Variants in NRXN3 observed in about 807,000 individuals in gnomAD.
NRXN3 encodes neurexin III.
A neutral mutation model predicts 137.6 loss-of-function variants in NRXN3; 32 were observed. That is an observed-to-expected ratio of 0.23 (90% CI 0.18 to 0.31). The LOEUF (loss-of-function observed/expected upper bound fraction) is 0.31. Ranked by LOEUF, NRXN3 falls within the 10% of genes least tolerant of loss-of-function variation. NRXN3 has a pLI of 1.00. For synonymous variants in NRXN3, 798 were observed against 784.5 expected (o/e 1.02, Z -0.29); for missense variants, 1,574 against 2,062.5 (o/e 0.76, Z 4.59).
At chr14:79,602,748 TC>T (rs1258901917) in intron 16 of NRXN3, among the ~76,000 whole-genome samples, 9 of 152,080 alleles carry the variant, frequency 5.9e-5, no homozygotes, top group East Asian at 1.9e-4. Context: ...TTTTTTTTTT[TC>T]CTATCGCTTT....
intron 15 of NRXN3, among the ~76,000 whole-genome samples, chr14:79,305,099 A>T (rs1197462108): frequency 3.3e-5 from 5 of 152,074 alleles, no homozygotes; most frequent in Middle Eastern, 3.4e-3. Flanking sequence ...TTCTTTTTCT[A>T]GTCTCTTTGT....
chr14:79,501,963 TG>T (rs2096830517), intron 16 of NRXN3, among the ~76,000 whole-genome samples: 1 of 152,202 alleles, frequency 6.6e-6, no homozygotes, highest in African/African-American at 2.4e-5. Context: ...TAAAAAAAGA[TG>T]TAGAGGCACA....
chr14:78,662,262 C>A (rs1386506791), intron 6 of NRXN3, among the ~76,000 whole-genome samples: 1 of 151,690 alleles, frequency 6.6e-6, no homozygotes, highest in East Asian at 1.9e-4. Context: ...AAAACTAAGG[C>A]ATTCAAGATC....
chr14:78,837,597 T>C (rs2099000691), intron 10 of NRXN3, among the ~76,000 whole-genome samples: 1 of 152,054 alleles, frequency 6.6e-6, no homozygotes, highest in African/African-American at 2.4e-5. Flanking sequence ...CTTTGAGAAA[T>C]ACTTGTTCTT....
intron 15 of NRXN3, among the ~76,000 whole-genome samples, chr14:79,289,388 G>C (rs1224311814): frequency 6.6e-6 from 1 of 152,154 alleles, no homozygotes; most frequent in East Asian, 1.9e-4. Context: ...GGGAGGCCAA[G>C]GTGGCTGGAT....
At chr14:78,993,389 T>C (rs559277687) in intron 15 of NRXN3, among the ~76,000 whole-genome samples, 30 of 152,314 alleles carry the variant, frequency 2.0e-4, no homozygotes, top group African/African-American at 7.2e-4. Flanking sequence ...GTTAAAAACC[T>C]ATGTTGTTAT....
At chr14:79,215,184 T>G (rs2068283402) in intron 15 of NRXN3, among the ~76,000 whole-genome samples, 1 of 152,168 alleles carries the variant, frequency 6.6e-6, no homozygotes, top group African/African-American at 2.4e-5. Context: ...TATTTTGTAG[T>G]TATTGTCACT....
chr14:78,773,203 C>T (rs893124345), intron 8 of NRXN3, among the ~76,000 whole-genome samples: 1 of 152,206 alleles, frequency 6.6e-6, no homozygotes. Flanking sequence ...TGTGTGATGA[C>T]TTATTGCTAT....
intron 4 of NRXN3, among the ~76,000 whole-genome samples, chr14:78,445,647 G>T (rs2094398223): frequency 6.6e-6 from 1 of 152,306 alleles, no homozygotes; most frequent in East Asian, 1.9e-4. Context: ...TCTTTGGGCA[G>T]CAAGTCCCTC....
At chr14:78,776,651 G>A (rs1053490077) in intron 8 of NRXN3, among the ~76,000 whole-genome samples, 2 of 152,108 alleles carry the variant, frequency 1.3e-5, no homozygotes, top group Admixed American at 1.3e-4. Context: ...CAGCAGAGGT[G>A]GTAAAAATGC....
chr14:78,740,540 T>C (rs2098561507), intron 8 of NRXN3, among the ~76,000 whole-genome samples: 1 of 105,594 alleles, frequency 9.5e-6, no homozygotes. Context: ...TTCTCTTTTC[T>C]TTTCTTTTTT....
chr14:79,406,768 T>G (rs2095322363), intron 15 of NRXN3, among the ~76,000 whole-genome samples: 1 of 152,072 alleles, frequency 6.6e-6, no homozygotes, highest in Admixed American at 6.6e-5. Flanking sequence ...TAATGCAAGG[T>G]TTTTCTGTAG....
intron 1 of NRXN3, among the ~76,000 whole-genome samples, chr14:78,203,387 A>T (rs966856633): frequency 6.6e-6 from 1 of 152,200 alleles, no homozygotes; most frequent in Non-Finnish European, 1.5e-5. Context: ...ATCAGTGACG[A>T]GTAGCCTGGG....
chr14:78,767,463 A>G (rs998017810), intron 8 of NRXN3, among the ~76,000 whole-genome samples: 2 of 152,234 alleles, frequency 1.3e-5, no homozygotes, highest in African/African-American at 4.8e-5. Context: ...AAGTGTGAAT[A>G]TCAAGAGGTG....
rs199829566 is a variant in NRXN3 at position 79,209,325 on chromosome 14, A to AG, written c.3262+221184_3262+221185insG. Among the ~76,000 whole-genome samples the AG allele has an allele frequency of 5.4e-3, 817 of 152,112 alleles. 4 individuals are homozygous for AG. Among genetic ancestry groups the AG allele is most frequent in the Non-Finnish European group, 8.7e-3 (590 of 67,972 alleles). ...TAGCAGTCTTTATTAAAAAAAAAAA[A>AG]CAGAGGTCCAATCACCTATTTCCTT... is the stretch of plus-strand genomic sequence containing the variant. On this transcript the variant is annotated intron_variant, in intron 15 of 20. Transcript: ENST00000335750.
intron 10 of NRXN3, among the ~76,000 whole-genome samples, chr14:78,882,032 T>C (rs540427165): frequency 6.6e-6 from 1 of 151,888 alleles, no homozygotes. Flanking sequence ...GCTCAGGATA[T>C]TGTTTCAAAA....
intron 4 of NRXN3, among the ~76,000 whole-genome samples, chr14:78,631,864 G>A (rs1423110719): frequency 6.6e-6 from 1 of 151,930 alleles, no homozygotes; most frequent in Non-Finnish European, 1.5e-5. Flanking sequence ...AGGCTGAGGC[G>A]GCAGGATCAG....
intron 19 of NRXN3, among the ~76,000 whole-genome samples, chr14:79,752,590 T>C (rs2099002015): frequency 6.6e-6 from 1 of 152,130 alleles, no homozygotes. Flanking sequence ...AAGACTTAAA[T>C]GTTAGACCTA....
intron 19 of NRXN3, among the ~76,000 whole-genome samples, chr14:79,783,726 T>C (rs1326811883): frequency 6.6e-6 from 1 of 152,230 alleles, no homozygotes; most frequent in Non-Finnish European, 1.5e-5. Flanking sequence ...ATCATGTATG[T>C]CTTTAGAATT....
Sources: allele counts gnomAD v4.1 joint callset (sites outside exome capture counted in the v4.1 genomes callset), GRCh38; gene constraint gnomAD v4.1.1; transcripts MANE v1.5; gene names NCBI Gene and HGNC (gene_info 2026-07-23, HGNC 2026-07-21).